The following PRKDC variants were observed in gnomAD, a reference collection of about 807,000 sequenced individuals.
The protein encoded by PRKDC is protein kinase, DNA-activated, catalytic subunit.
PRKDC carries 82 observed loss-of-function variants against 486.9 expected under a neutral mutation model. That is an observed-to-expected ratio of 0.17 (90% CI 0.14 to 0.20). The LOEUF (loss-of-function observed/expected upper bound fraction) is 0.20. PRKDC is among the 10% of genes least tolerant of loss of function. The pLI is 1.00. For missense variants in PRKDC, 4,504 were observed against 5,038.2 expected (o/e 0.89, Z 3.21); for synonymous variants, 1,895 against 1,837.0 (o/e 1.03, Z -0.81).
At chr8:47,820,330 G>A (rs1275910380) in intron 66 of PRKDC, among the ~76,000 whole-genome samples, 1 of 152,084 alleles carries the variant, frequency 6.6e-6, no homozygotes, top group Non-Finnish European at 1.5e-5. Flanking sequence ...GAACCAGATT[G>A]CGCCATTGCA....
At chr8:47,956,157 T>C (rs2090696588) in intron 3 of PRKDC, among the ~76,000 whole-genome samples, 1 of 151,400 alleles carries the variant, frequency 6.6e-6, no homozygotes, top group South Asian at 2.1e-4. Context: ...AGGTCAGGAG[T>C]TCGAGACCAG....
intron 71 of PRKDC, 39 bp downstream of exon 71, chr8:47,800,754 T>C (rs759046959): frequency 1.5e-5 from 23 of 1,538,444 alleles, no homozygotes; most frequent in Admixed American, 6.4e-5. Context: ...ATTGAAGACA[T>C]ACACAGCACA....
chr8:47,930,112 G>C, intron 17 of PRKDC, 100 bp from the exon 18 acceptor site: 1 of 1,028,992 alleles, frequency 9.7e-7, no homozygotes, highest in East Asian at 2.5e-5. Flanking sequence ...AACCCATCAC[G>C]TAACATTTTG....
In PRKDC at chr8:47,779,097, A is replaced by G; in HGVS notation, c.11490-4T>C. ...ACACGGCGGTGCCCTGGGATCACTAATGAGTGAGAAAAGGGGAATTGGAAT... is the reference window on the plus strand; with the variant it reads ...ACACGGCGGTGCCCTGGGATCACTAGTGAGTGAGAAAAGGGGAATTGGAAT... On this transcript the variant is annotated splice_polypyrimidine_tract_variant and splice_region_variant and intron_variant, in intron 80 of 85. Coordinates refer to ENST00000314191, the MANE Select transcript of PRKDC (RefSeq NM_006904.7). The G allele has an allele frequency of 6.3e-7, 1 of 1,576,182 alleles. No individual in the cohort carries two copies. Among genetic ancestry groups the G allele is most frequent in the Non-Finnish European group, 8.6e-7 (1 of 1,158,462 alleles).
At position 47,828,040 on chromosome 8, in the gene PRKDC, T is replaced by C. The variant is rs1194282378; in HGVS notation, c.8577+128A>G. ...CTCATTTGGGAAGTGGTAACCCAAA[T>C]AGTACATCTTACTCTGTTAAACACC... is the stretch of plus-strand genomic sequence containing the variant. On this transcript the variant is annotated intron_variant, in intron 62 of 85. Transcript: ENST00000314191. The C allele has an allele frequency of 4.7e-6, 4 of 843,446 alleles. No individual in the cohort carries two copies. The East Asian group carries it at 8.8e-5, about 19-fold the overall frequency. The allele number at this position is 843,446 out of a possible 1,614,324, so 52.2% of individuals were successfully genotyped here.
At chr8:47,837,453 G>C (rs759153713) in intron 56 of PRKDC, 34 bp from the exon 57 acceptor site, 41 of 1,499,124 alleles carry the variant, frequency 2.7e-5, no homozygotes, top group Non-Finnish European at 3.7e-5. Context: ...ATATTGCTTA[G>C]ACAATGGCAA....
At chr8:47,903,663 T>C (rs1445978480) in intron 26 of PRKDC, among the ~76,000 whole-genome samples, 7 of 152,228 alleles carry the variant, frequency 4.6e-5, no homozygotes, top group African/African-American at 1.7e-4. Context: ...TTCATGCTGC[T>C]TCTTTACCTT....
intron 36 of PRKDC, among the ~76,000 whole-genome samples, chr8:47,885,238 G>A (rs2089300938): frequency 6.6e-6 from 1 of 152,064 alleles, no homozygotes; most frequent in South Asian, 2.1e-4. Flanking sequence ...TGCAACCTCC[G>A]CCTCTCAGGT....
At position 47,948,584 on chromosome 8, in the gene PRKDC, T is replaced by A. The variant is rs183734945; in HGVS notation, c.722-4555A>T. ...AAGTGATTCTCCTGCCTCAGCCTCC[T>A]GAGTAGCTGGGATTACAGGCATGCG... On this transcript the variant is annotated intron_variant, in intron 7 of 85. Transcript: ENST00000314191. Among the ~76,000 whole-genome samples the A allele has an allele frequency of 2.6e-5, 4 of 151,208 alleles. No individual in the cohort carries two copies. In the East Asian group the frequency reaches 7.9e-4, roughly 30 times the overall value.
intron 68 of PRKDC, among the ~76,000 whole-genome samples, chr8:47,808,412 A>G (rs1474910234): frequency 1.3e-5 from 2 of 152,188 alleles, no homozygotes; most frequent in Non-Finnish European, 2.9e-5. Context: ...GATTACAGAT[A>G]TGAGCCACCA....
intron 68 of PRKDC, among the ~76,000 whole-genome samples, chr8:47,808,616 A>G (rs2087263293): frequency 6.6e-6 from 1 of 152,226 alleles, no homozygotes; most frequent in Admixed American, 6.5e-5. Flanking sequence ...CTGAAACAAT[A>G]GGCGTGTGCC....
Position 47,934,020 on chromosome 8 carries a change from G to C in PRKDC, c.1568C>G (p.Thr523Arg). Reference protein sequence around the residue: ...EVRTGKWKVPTYKDYVDLFRH... With the variant: ...EVRTGKWKVPRYKDYVDLFRH... Reference sequence around the variant, plus strand: ...GAAGAGATCCACGTAGTCTTTGTATGTGGGCACCTTCCATTTGCCAGTTCT... The same window carrying C: ...GAAGAGATCCACGTAGTCTTTGTATCTGGGCACCTTCCATTTGCCAGTTCT... The change falls in exon 15 of 86, where the codon ACA becomes AGA. Residue 523 changes from threonine to arginine, a missense_variant. Around this residue, in one of 6 missense-constraint regions of PRKDC, gnomAD observed 1,969 missense variants for 2,068.9 expected, o/e 0.95. Coordinates refer to ENST00000314191, the MANE Select transcript of PRKDC (RefSeq NM_006904.7). 6 of 1,613,738 alleles carry C rather than the reference G, an allele frequency of 3.7e-6. No homozygotes were observed. Among genetic ancestry groups the C allele is most frequent in the Non-Finnish European group, 5.1e-6 (6 of 1,179,806 alleles).
At chr8:47,896,012 C>T (rs966503902) in intron 30 of PRKDC, among the ~76,000 whole-genome samples, 1 of 151,888 alleles carries the variant, frequency 6.6e-6, no homozygotes, top group South Asian at 2.1e-4. Context: ...GCACTCTAGC[C>T]CAGGCGACAG....
intron 37 of PRKDC, 150 bp downstream of exon 37, chr8:47,881,762 A>C: frequency 1.4e-6 from 1 of 732,720 alleles, no homozygotes; most frequent in South Asian, 2.6e-5. Context: ...GAAAAAGTTT[A>C]AAAAGGTAAA....
At chr8:47,891,870 GT>G (rs2089466959) in intron 31 of PRKDC, among the ~76,000 whole-genome samples, 1 of 151,896 alleles carries the variant, frequency 6.6e-6, no homozygotes, top group Admixed American at 6.6e-5. Context: ...ATGTGAACAA[GT>G]TTTTTTTGTT....
At chr8:47,954,016 C>T in intron 5 of PRKDC, 97 bp from the exon 6 acceptor site, 1 of 705,914 alleles carries the variant, frequency 1.4e-6, no homozygotes, top group Admixed American at 3.3e-5. Flanking sequence ...AAATAAAGTT[C>T]AAAATTGATT....
At chr8:47,859,343 T>C (rs182148670) in intron 46 of PRKDC, among the ~76,000 whole-genome samples, 15 of 152,268 alleles carry the variant, frequency 9.9e-5, no homozygotes, top group Non-Finnish European at 1.9e-4. Context: ...ACCGTCTGTA[T>C]GGTGACTCCC....
At chr8:47,802,323 C>A (rs1371725017) in intron 70 of PRKDC, among the ~76,000 whole-genome samples, 1 of 152,192 alleles carries the variant, frequency 6.6e-6, no homozygotes, top group Non-Finnish European at 1.5e-5. Context: ...TGCTTAAGAG[C>A]TGGTCTGGGA....
Position 47,849,214 on chromosome 8 carries a change from C to A in PRKDC, c.7220G>T (p.Gly2407Val), listed in dbSNP as rs1410884470. 1.9e-6 allele frequency: 3 copies of A among 1,613,994 alleles called. No homozygotes were observed. Among genetic ancestry groups the A allele is most frequent in the Middle Eastern group, 3.3e-4 (2 of 6,062 alleles). Reference sequence around the variant, plus strand: ...TAACTGGAAGTACAGCTCTGTCATTCCCTCCACACGACAAAGTACCACCTC... The same window carrying A: ...TAACTGGAAGTACAGCTCTGTCATTACCTCCACACGACAAAGTACCACCTC... The part of the protein sequence containing the change: ...CLEVVLCRVE[G>V]MTELYFQLKS... The change falls in exon 54 of 86, where the codon GGA becomes GTA. Residue 2407 changes from glycine (G) to valine (V), a missense_variant. Physicochemically the swap from Gly to Val is moderately radical, Grantham distance 109. Transcript: ENST00000314191.
Sources: allele counts gnomAD v4.1 joint callset (sites outside exome capture counted in the v4.1 genomes callset), GRCh38; gene constraint gnomAD v4.1.1; regional missense constraint gnomAD v4.1.1; transcripts MANE v1.5; gene names NCBI Gene and HGNC (gene_info 2026-07-23, HGNC 2026-07-21).